The following ASB10 variants were observed in gnomAD, a reference collection of about 807,000 sequenced individuals.
ASB10 encodes ankyrin repeat and SOCS box protein 10.
ASB10 carries 44 observed loss-of-function variants against 35.4 expected under a neutral mutation model. That is an observed-to-expected ratio of 1.24 (90% CI 0.98 to 1.60). The LOEUF (loss-of-function observed/expected upper bound fraction) is 1.60. Ranked by LOEUF, ASB10 falls within the 40% of genes most tolerant of loss-of-function variation. The probability of loss-of-function intolerance (pLI) is 0.00; values close to 1 mark genes in which losing one functional copy is unlikely to be tolerated. For synonymous variants in ASB10, 294 were observed against 280.4 expected, an observed-to-expected ratio of 1.05 and a Z score of -0.49; for missense variants, 647 against 634.3, an observed-to-expected ratio of 1.02 and a Z score of -0.22.
upstream of ASB10, chr7:151,187,376 C>A: frequency 6.5e-7 from 1 of 1,544,596 alleles, no homozygotes; most frequent in Non-Finnish European, 8.7e-7. This position sits in a 1 kb window ranked among gnomAD's most constrained non-coding sequence, Gnocchi z 5.3. Flanking sequence ...TCCTTTCACT[C>A]AAGCCCTTAG....
upstream of ASB10, chr7:151,187,524 G>T (rs1364688167): frequency 1.3e-6 from 2 of 1,551,394 alleles, no homozygotes; most frequent in Non-Finnish European, 1.7e-6. This position sits in a 1 kb window ranked among gnomAD's most constrained non-coding sequence, Gnocchi z 5.3. Flanking sequence ...CTGTGCGGGG[G>T]GAACAGCTCC....
intron 3 of ASB10, among the ~76,000 whole-genome samples, chr7:151,178,623 G>A (rs310600): frequency 0.035 from 5,296 of 152,270 alleles, 140 homozygotes; most frequent in Non-Finnish European, 0.047. Flanking sequence ...TGCATCTAGC[G>A]GTGGGGGTTT....
At chr7:151,184,230 G>A (rs570400477) in intron 2 of ASB10, among the ~76,000 whole-genome samples, 3 of 151,450 alleles carry the variant, frequency 2.0e-5, no homozygotes, top group Non-Finnish European at 4.4e-5. Flanking sequence ...TGGCTAACAC[G>A]GTGAAACCCC....
In ASB10 at chr7:151,177,132, A is replaced by C. The variant is rs570101029; in HGVS notation, c.1105-456T>G. Among the ~76,000 whole-genome samples, 5 of 152,370 alleles carry C rather than the reference A, an allele frequency of 3.3e-5. No homozygotes were observed. In the East Asian group the frequency reaches 7.7e-4, roughly 23 times the overall value. On this transcript the variant is annotated intron_variant, in intron 3 of 5. Transcript: ENST00000420175. ...TCAAACTTCCAGCCTCCACTGCTGT[A>C]AGGGAACTCCATTTCTGTTGCTTTA...
rs1279849233 is a variant in ASB10, at chr7:151,186,950, C to T, written c.181G>A (p.Ala61Thr). ...CAGCCCACGTCCCCAGCCAGCACTGCCTGCCAGAAGGCAAGGGCAGGTCCT... is the reference window on the plus strand; with the variant it reads ...CAGCCCACGTCCCCAGCCAGCACTGTCTGCCAGAAGGCAAGGGCAGGTCCT... ...ASGPALAFWQ[A>T]VLAGDVGCVS... The change falls in exon 1 of 6, where the codon GCA (alanine) becomes ACA (threonine). Residue 61 changes from alanine to threonine, a missense_variant. Ala to Thr is a moderately conservative substitution (Grantham distance 58). Transcript: ENST00000420175. 5 of 1,613,798 alleles carry T rather than the reference C, an allele frequency of 3.1e-6. No homozygotes were observed. Among genetic ancestry groups the T allele is most frequent in the African/African-American group, 1.3e-5 (1 of 75,058 alleles).
chr7:151,177,917 A>C (rs914643861), intron 3 of ASB10, among the ~76,000 whole-genome samples: 2 of 152,180 alleles, frequency 1.3e-5, no homozygotes, highest in Non-Finnish European at 2.9e-5. Context: ...CATAATAAAC[A>C]CAGAAGTCAT....
intron 1 of ASB10, 25 bp downstream of exon 1, chr7:151,186,790 G>C (rs768673091): frequency 7.7e-6 from 12 of 1,554,088 alleles, no homozygotes; most frequent in African/African-American, 4.1e-5. Flanking sequence ...CTCCCACTGA[G>C]AGCCCCCAGT....
chr7:151,186,398 G>A lies in ASB10; in HGVS notation c.578C>T (p.Thr193Ile), dbSNP rs749691914. 1.6e-5 allele frequency: 26 copies of A among 1,585,260 alleles called. No individual in the cohort carries two copies. The African/African-American group carries it at 2.6e-4, about 16-fold the overall frequency. Residue 193 changes from threonine to isoleucine, a missense_variant, in exon 2 of 6, where the codon ACC (threonine) becomes ATC (isoleucine). By Grantham distance (89) the Thr-to-Ile change is moderately conservative (BLOSUM62 -1). Coordinates refer to ENST00000420175, the MANE Select transcript of ASB10 (RefSeq NM_001142459.2). ...RPLHLCRGPG[T>I]LECAELLLRF... The stretch of plus-strand genomic sequence containing the variant: ...GGGGTGAGGGGTCACTCACTCAAGG[G>A]TGCCAGGCCCCCGGCAGAGATGCAG...
Position 151,176,064 on chromosome 7 carries a change from T to C in ASB10, c.*48A>G, listed in dbSNP as rs988573690. The C allele has an allele frequency of 2.5e-6, 4 of 1,593,346 alleles. No homozygotes were observed. In the African/African-American group the frequency reaches 5.4e-5, roughly 21 times the overall value. ...CAACCCTTCTCTTGCCTTCCACACATCCCTGGACCCCAAGCAGCTGTGACT... is the reference window on the plus strand; with the variant it reads ...CAACCCTTCTCTTGCCTTCCACACACCCCTGGACCCCAAGCAGCTGTGACT... On this transcript the variant is annotated intron_variant, in intron 5 of 5. Transcript: ENST00000420175.
intron 3 of ASB10, 88 bp from the exon 4 acceptor site, chr7:151,176,764 T>A: frequency 1.0e-6 from 1 of 952,892 alleles, no homozygotes; most frequent in Non-Finnish European, 1.6e-6. Context: ...TTGAACTTTG[T>A]TCCCCAAAAG....
intron 3 of ASB10, among the ~76,000 whole-genome samples, chr7:151,178,204 G>A (rs1398773036): frequency 4.6e-5 from 7 of 152,230 alleles, no homozygotes; most frequent in Non-Finnish European, 1.0e-4. Context: ...AGCCGGGATC[G>A]TGCCACGGCA....
At chr7:151,176,515 C>G in intron 4 of ASB10, 48 bp downstream of exon 4, 1 of 1,519,984 alleles carries the variant, frequency 6.6e-7, no homozygotes, top group East Asian at 2.5e-5. Flanking sequence ...GGGTGGGAGT[C>G]TTGGGACCAG....
chr7:151,184,471 C>T (rs1801551094), intron 2 of ASB10, among the ~76,000 whole-genome samples: 3 of 151,932 alleles, frequency 2.0e-5, no homozygotes, highest in Admixed American at 2.0e-4. Context: ...AGACATCATG[C>T]TAAGTGGAAT....
chr7:151,181,493 G>C, intron 2 of ASB10, 35 bp from the exon 3 acceptor site: 1 of 1,543,974 alleles, frequency 6.5e-7, no homozygotes. Flanking sequence ...GAGGAAAGCG[G>C]GCACGGACCC....
At chr7:151,180,189 T>C (rs915129954) in intron 3 of ASB10, among the ~76,000 whole-genome samples, 8 of 152,336 alleles carry the variant, frequency 5.3e-5, no homozygotes, top group Non-Finnish European at 1.0e-4. Context: ...CATGACATTA[T>C]CTATGCCCCT....
rs1423364365 is a variant in ASB10, at chr7:151,181,405, T to C, written c.638A>G (p.Glu213Gly). 6.2e-7 allele frequency: 1 copy of C among 1,611,016 alleles called. No homozygotes were observed. Among genetic ancestry groups the C allele is most frequent in the Admixed American group, 1.7e-5 (1 of 59,966 alleles). The part of the protein sequence containing the change: ...FGARVDGRSE[E>G]EEETPLHVAA... ...CACATGCAAAGGGGTCTCCTCTTCTTCCTCGGACCGACCATCCACTCTCGC... is the reference window on the plus strand; with the variant it reads ...CACATGCAAAGGGGTCTCCTCTTCTCCCTCGGACCGACCATCCACTCTCGC... The change falls in exon 3 of 6, where the codon GAA becomes GGA. Residue 213 changes from glutamate to glycine, a missense_variant. Glu to Gly is a moderately conservative substitution (Grantham distance 98). Transcript: ENST00000420175.
chr7:151,182,003 T>C (rs1173990220), intron 2 of ASB10, among the ~76,000 whole-genome samples: 1 of 152,220 alleles, frequency 6.6e-6, no homozygotes, highest in East Asian at 1.9e-4. Context: ...AGTTATCACA[T>C]GAGTGGTTAG....
intron 3 of ASB10, among the ~76,000 whole-genome samples, chr7:151,178,939 G>A (rs896297540): frequency 1.3e-5 from 2 of 152,070 alleles, no homozygotes; most frequent in Admixed American, 6.5e-5. Context: ...TCTGCACTGG[G>A]CTCAAGTAGC....
At chr7:151,187,622 G>A, upstream of ASB10, 1 of 1,541,126 alleles carries the variant, frequency 6.5e-7, no homozygotes, top group Non-Finnish European at 8.8e-7. This position sits in a 1 kb window ranked among gnomAD's most constrained non-coding sequence, Gnocchi z 5.3. Context: ...GGGCTCCCAG[G>A]CTGGGCGGGA....
Sources: allele counts gnomAD v4.1 joint callset (sites outside exome capture counted in the v4.1 genomes callset), GRCh38; gene constraint gnomAD v4.1.1; non-coding constraint Gnocchi (gnomAD v3.1); transcripts MANE v1.5; gene names NCBI Gene and HGNC (gene_info 2026-07-23, HGNC 2026-07-21).